The following DENND1A variants were observed in gnomAD, a reference collection of about 807,000 sequenced individuals.
DENND1A encodes the protein DENN domain containing 1A.
DENND1A carries 51 observed loss-of-function variants against 113.7 expected under a neutral mutation model. The observed-to-expected ratio is 0.45, with a 90% CI of 0.36 to 0.57. DENND1A has a LOEUF of 0.57. DENND1A is among the 20% of genes least tolerant of loss of function. The pLI, the probability that DENND1A is intolerant of heterozygous loss-of-function variation, is 0.00. For missense variants in DENND1A, 1,258 were observed against 1,395.9 expected, an observed-to-expected ratio of 0.90 and a Z score of 1.57; for synonymous variants, 565 against 570.8, an observed-to-expected ratio of 0.99 and a Z score of 0.14.
intron 13 of DENND1A, among the ~76,000 whole-genome samples, chr9:123,539,120 T>C (rs867904614): frequency 3.9e-5 from 6 of 152,054 alleles, no homozygotes; most frequent in Middle Eastern, 3.4e-3. Context: ...TAAACAGATA[T>C]AGATATTAAA....
At chr9:123,538,202 A>G (rs1028441411) in intron 13 of DENND1A, among the ~76,000 whole-genome samples, 10 of 152,238 alleles carry the variant, frequency 6.6e-5, no homozygotes, top group Non-Finnish European at 1.5e-5. Context: ...TCTGCCCTTG[A>G]GAATCAGAAT....
chr9:123,583,094 C>T, intron 12 of DENND1A, 75 bp downstream of exon 12: 2 of 1,118,234 alleles, frequency 1.8e-6, no homozygotes, highest in Non-Finnish European at 2.6e-6. Context: ...CCCCTCCTTC[C>T]CCATTCCCCA....
chr9:123,598,743 T>C (rs182784828), intron 11 of DENND1A, among the ~76,000 whole-genome samples: 52 of 152,284 alleles, frequency 3.4e-4, no homozygotes, highest in African/African-American at 1.1e-3. Context: ...AGTGTGCATA[T>C]GTACTTATCA....
intron 19 of DENND1A, among the ~76,000 whole-genome samples, chr9:123,415,078 C>T (rs2044612670): frequency 6.6e-6 from 1 of 152,170 alleles, no homozygotes; most frequent in African/African-American, 2.4e-5. Flanking sequence ...AAAGCAGCCT[C>T]TTGACCACAC....
chr9:123,796,819 T>G (rs1227179673), intron 2 of DENND1A, among the ~76,000 whole-genome samples: 1 of 151,912 alleles, frequency 6.6e-6, no homozygotes, highest in African/African-American at 2.4e-5. Context: ...CCTGTTTCCC[T>G]CTGTCATACC....
intron 11 of DENND1A, among the ~76,000 whole-genome samples, chr9:123,608,965 A>G (rs2060289695): frequency 6.6e-6 from 1 of 152,226 alleles, no homozygotes; most frequent in Admixed American, 6.5e-5. Flanking sequence ...ATATATTTAG[A>G]GACTAAAGAC....
At position 123,418,002 on chromosome 9, in the gene DENND1A, G is replaced by A. The variant is rs555905124; in HGVS notation, c.1489-6173C>T. ...CCAGGACCTGGGAGGGGCTGGGGGAGGTCAGATAAAAAGAGGGCCTTGAAT... is the reference window on the plus strand; with the variant it reads ...CCAGGACCTGGGAGGGGCTGGGGGAAGTCAGATAAAAAGAGGGCCTTGAAT... On this transcript the variant is annotated intron_variant, in intron 19 of 23. Coordinates refer to ENST00000394215, the MANE Select transcript of DENND1A (RefSeq NM_001352964.2). Among the ~76,000 whole-genome samples, 3 of 152,224 alleles carry A rather than the reference G, an allele frequency of 2.0e-5. No individual in the cohort carries two copies. In the South Asian group the frequency reaches 6.2e-4, roughly 32 times the overall value.
chr9:123,540,122 T>C (rs1257252700), intron 13 of DENND1A, among the ~76,000 whole-genome samples: 3 of 152,330 alleles, frequency 2.0e-5, no homozygotes, highest in East Asian at 3.9e-4. Flanking sequence ...CCCAACTGTT[T>C]CCTCATAGGA....
At chr9:123,789,765 A>G (rs1453739977) in intron 3 of DENND1A, among the ~76,000 whole-genome samples, 1 of 152,132 alleles carries the variant, frequency 6.6e-6, no homozygotes, top group Non-Finnish European at 1.5e-5. Context: ...TCAGTCACAG[A>G]TGTCAATCTA....
intron 1 of DENND1A, among the ~76,000 whole-genome samples, chr9:123,916,917 C>T (rs948046795): frequency 6.6e-5 from 10 of 151,914 alleles, no homozygotes; most frequent in African/African-American, 2.2e-4. Flanking sequence ...GGGCCAGGCA[C>T]GGTGGCTCCT....
chr9:123,846,628 T>C (rs1191626798), intron 2 of DENND1A, among the ~76,000 whole-genome samples: 1 of 152,110 alleles, frequency 6.6e-6, no homozygotes, highest in East Asian at 1.9e-4. Flanking sequence ...ATTCCACTTA[T>C]ATGAGGAAAC....
At chr9:123,908,620 G>C (rs1240885410) in intron 1 of DENND1A, among the ~76,000 whole-genome samples, 1 of 151,244 alleles carries the variant, frequency 6.6e-6, no homozygotes, top group Non-Finnish European at 1.5e-5. Flanking sequence ...CTGGCCATCA[G>C]AGAAATGCAA....
At chr9:123,847,018 C>G (rs910231786) in intron 2 of DENND1A, among the ~76,000 whole-genome samples, 1 of 151,972 alleles carries the variant, frequency 6.6e-6, no homozygotes, top group African/African-American at 2.4e-5. Flanking sequence ...TGTTTGTTTT[C>G]ATTTTTGTAG....
chr9:123,599,188 C>T (rs951342420), intron 11 of DENND1A, among the ~76,000 whole-genome samples: 3 of 152,182 alleles, frequency 2.0e-5, no homozygotes, highest in Non-Finnish European at 4.4e-5. Flanking sequence ...AAGAAAAAAC[C>T]TACTTCTTTT....
intron 1 of DENND1A, among the ~76,000 whole-genome samples, chr9:123,910,292 T>C (rs1489830194): frequency 1.3e-5 from 2 of 152,118 alleles, no homozygotes; most frequent in Non-Finnish European, 2.9e-5. Flanking sequence ...ATTAATGCAA[T>C]GGAAAGAACA....
intron 5 of DENND1A, among the ~76,000 whole-genome samples, chr9:123,735,114 C>T (rs1315840811): frequency 6.6e-6 from 1 of 152,096 alleles, no homozygotes; most frequent in Non-Finnish European, 1.5e-5. Context: ...CCAAGAAAAT[C>T]AAGGAAGATA....
At chr9:123,664,041 T>C (rs1002536350) in intron 8 of DENND1A, among the ~76,000 whole-genome samples, 5 of 152,158 alleles carry the variant, frequency 3.3e-5, no homozygotes, top group Admixed American at 6.5e-5. Flanking sequence ...TTGCACACTT[T>C]GAAAACTACA....
At chr9:123,578,074 C>A (rs1292296318) in intron 12 of DENND1A, among the ~76,000 whole-genome samples, 1 of 152,208 alleles carries the variant, frequency 6.6e-6, no homozygotes, top group Non-Finnish European at 1.5e-5. Flanking sequence ...GATTAGTCTT[C>A]AGCAGGTTTG....
chr9:123,693,972 C>A (rs999849881), intron 5 of DENND1A, among the ~76,000 whole-genome samples: 1 of 151,272 alleles, frequency 6.6e-6, no homozygotes, highest in Non-Finnish European at 1.5e-5. Context: ...GGACTTCAGG[C>A]GTGTGCCACC....
Sources: gnomAD v4.1 joint callset for allele counts (sites outside exome capture counted in the v4.1 genomes callset) on GRCh38, gnomAD v4.1.1 for gene constraint, MANE v1.5 for transcripts, NCBI Gene and HGNC (gene_info 2026-07-23, HGNC 2026-07-21) for gene names.